SLC1A2: variants seen among roughly 807,000 people sequenced by gnomAD.
The protein encoded by SLC1A2 is excitatory amino acid transporter 2.
A neutral mutation model predicts 48.8 loss-of-function variants in SLC1A2; 15 were observed. The observed-to-expected ratio is 0.31, with a 90% CI of 0.21 to 0.47. The LOEUF is 0.47. Ranked by LOEUF, SLC1A2 falls within the 20% of genes least tolerant of loss-of-function variation. The pLI is 0.99. For missense variants in SLC1A2, 502 were observed against 730.5 expected, an observed-to-expected ratio of 0.69 and a Z score of 3.61; for synonymous variants, 279 against 272.6, an observed-to-expected ratio of 1.02 and a Z score of -0.23.
chr11:35,353,963 A>C (rs1453292552), intron 1 of SLC1A2, among the ~76,000 whole-genome samples: 2 of 152,188 alleles, frequency 1.3e-5, no homozygotes, highest in Admixed American at 6.5e-5. Context: ...AACAGACAGC[A>C]CTGTTAGAAT....
chr11:35,418,911 AC>A, intron 1 of SLC1A2, 38 bp downstream of exon 1: 1 of 1,544,966 alleles, frequency 6.5e-7, no homozygotes, highest in Non-Finnish European at 8.8e-7. Flanking sequence ...CCCGCGCGTG[AC>A]CCCGCTTTCC....
intron 1 of SLC1A2, among the ~76,000 whole-genome samples, chr11:35,411,125 T>C (rs190969587): frequency 3.6e-4 from 55 of 152,344 alleles, no homozygotes; most frequent in Non-Finnish European, 6.5e-4. Context: ...TATCTGCTGA[T>C]TGATGGGATT....
intron 1 of SLC1A2, chr11:35,413,848 A>T (rs1350286344): frequency 6.6e-6 from 1 of 152,260 alleles, no homozygotes; most frequent in African/African-American, 2.4e-5. Flanking sequence ...TACAAACAGC[A>T]AGTGACAGAT....
At chr11:35,307,289 C>G (rs929886457) in intron 4 of SLC1A2, 1 of 152,214 alleles carries the variant, frequency 6.6e-6, no homozygotes, top group African/African-American at 2.4e-5. Flanking sequence ...ATGGCAGGAG[C>G]ATTTGCTTAT....
upstream of SLC1A2, chr11:35,420,175 G>T (rs1404483416): frequency 5.3e-6 from 1 of 188,668 alleles, no homozygotes; most frequent in Non-Finnish European, 1.1e-5. Context: ...GGTCGGCCTC[G>T]TGGGTGCCGG....
intron 1 of SLC1A2, among the ~76,000 whole-genome samples, chr11:35,394,218 G>C (rs183227012): frequency 2.6e-4 from 40 of 152,070 alleles, no homozygotes; most frequent in Middle Eastern, 3.4e-3. Context: ...TTGCAGCAAA[G>C]GCCTGAGGTC....
Position 35,265,719 on chromosome 11 carries a change from A to T in SLC1A2, c.1461T>A (p.Ser487=), listed in dbSNP as rs375515105. The stretch of plus-strand genomic sequence containing the variant: ...GGTGATAGACTATCCCAGCCCCAAA[A>T]GAGTCACCCACAACATTGACTGAAG... ...MRTSVNVVGD[S]FGAGIVYHLS... Residue 487 remains serine, a synonymous_variant, in exon 10 of 11, where the codon TCT becomes TCA. Coordinates refer to ENST00000278379, the MANE Select transcript of SLC1A2 (RefSeq NM_004171.4). The T allele has an allele frequency of 1.2e-5, 20 of 1,613,850 alleles. No homozygotes were observed. The African/African-American group carries it at 2.4e-4, about 19-fold the overall frequency.
chr11:35,325,719 T>C (rs768150556), intron 1 of SLC1A2, among the ~76,000 whole-genome samples: 17 of 152,054 alleles, frequency 1.1e-4, no homozygotes, highest in Non-Finnish European at 2.4e-4. Flanking sequence ...TCCCAGCACT[T>C]TGGGAGGCTG....
intron 9 of SLC1A2, among the ~76,000 whole-genome samples, chr11:35,279,823 A>C (rs1850566415): frequency 6.6e-6 from 1 of 152,240 alleles, no homozygotes; most frequent in Non-Finnish European, 1.5e-5. Context: ...TGCTCAGTCT[A>C]GTAGCTGGAA....
chr11:35,389,484 T>C (rs1247203050), intron 1 of SLC1A2, among the ~76,000 whole-genome samples: 1 of 152,086 alleles, frequency 6.6e-6, no homozygotes, highest in Non-Finnish European at 1.5e-5. Flanking sequence ...ATTTTTCTTT[T>C]GGTGAGACAG....
chr11:35,343,378 G>C (rs1307879806), intron 1 of SLC1A2, among the ~76,000 whole-genome samples: 1 of 152,102 alleles, frequency 6.6e-6, no homozygotes, highest in Non-Finnish European at 1.5e-5. Flanking sequence ...AACCATATTT[G>C]GTGTAAAAAT....
intron 1 of SLC1A2, among the ~76,000 whole-genome samples, chr11:35,331,222 G>A (rs1320356123): frequency 6.6e-6 from 1 of 152,146 alleles, no homozygotes; most frequent in African/African-American, 2.4e-5. Context: ...GCAGACCAAA[G>A]TAACATCTTT....
intron 1 of SLC1A2, among the ~76,000 whole-genome samples, chr11:35,397,165 T>C (rs1854990246): frequency 6.7e-6 from 1 of 149,734 alleles, no homozygotes; most frequent in Non-Finnish European, 1.5e-5. Context: ...CTTCACAGAA[T>C]TGGAAAAAAC....
Position 35,357,664 on chromosome 11 carries a change from G to A in SLC1A2, c.18-40148C>T, listed in dbSNP as rs577737552. ...GTGAAGTATAACAGAGCCATTAAAA[G>A]ACAGAATTCCTTACCCATATTCTCA... On this transcript the variant is annotated intron_variant, in intron 1 of 10. Transcript: ENST00000278379. Among the ~76,000 whole-genome samples the A allele has an allele frequency of 9.1e-4, 139 of 152,236 alleles. 2 individuals are homozygous for A. Among genetic ancestry groups the A allele is most frequent in the Non-Finnish European group, 1.8e-3 (122 of 68,010 alleles).
At chr11:35,305,972 T>C (rs1851489886) in intron 5 of SLC1A2, 102 bp downstream of exon 5, 4 of 1,038,576 alleles carry the variant, frequency 3.9e-6, no homozygotes, top group Non-Finnish European at 5.6e-6. Context: ...AGCCTCCTGC[T>C]CCACCTAGAG....
Position 35,419,117 on chromosome 11 carries a change from T to G in SLC1A2, c.-151A>C, listed in dbSNP as rs2135316343. The G allele has an allele frequency of 1.7e-6, 1 of 578,752 alleles. No individual in the cohort carries two copies. Among genetic ancestry groups the G allele is most frequent in the Non-Finnish European group, 2.9e-6 (1 of 344,378 alleles). 35.9% of individuals were successfully genotyped at this position (578,752 alleles called of 1,614,324 possible). Reference sequence around the variant, plus strand: ...TCCACCCGCCTCCGGGGTAAGCCCTTTAGCGCCTCAACGGGCGCAGGAGGC... The same window carrying G: ...TCCACCCGCCTCCGGGGTAAGCCCTGTAGCGCCTCAACGGGCGCAGGAGGC... On this transcript the variant is annotated 5_prime_UTR_variant, in exon 1 of 11. Coordinates refer to ENST00000278379, the MANE Select transcript of SLC1A2 (RefSeq NM_004171.4). The surrounding 1 kb of genome is among the most constrained non-coding windows in gnomAD (Gnocchi z 5.4).
rs1287292222 is a variant in SLC1A2 at position 35,353,972 on chromosome 11, A to G, written c.18-36456T>C. Among the ~76,000 whole-genome samples the G allele has an allele frequency of 2.6e-5, 4 of 152,326 alleles. No individual in the cohort carries two copies. In the South Asian group the frequency reaches 6.2e-4, roughly 24 times the overall value. On this transcript the variant is annotated intron_variant, in intron 1 of 10. Transcript: ENST00000278379. ...GATTTCAACAGACAGCACTGTTAGA[A>G]TGGTACCACTGGTTAAAAATCCTAT...
chr11:35,282,882 C>T (rs1465081825), intron 8 of SLC1A2, among the ~76,000 whole-genome samples: 1 of 151,978 alleles, frequency 6.6e-6, no homozygotes, highest in Non-Finnish European at 1.5e-5. Context: ...GGCACTGTCT[C>T]TGTGTGTGGA....
intron 1 of SLC1A2, among the ~76,000 whole-genome samples, chr11:35,334,830 TTTTGTTTTGTTTTGTTTTGTTTTGTTTTG>T (rs1852565319): frequency 2.2e-4 from 11 of 49,886 alleles, no homozygotes; most frequent in Admixed American, 1.5e-3. Context: ...TTTTGTTTTG[TTTTGTTTTGTTTTGTTTTGTTTTGTTTTG>T]TTTTGTTTTG....
Sources: allele counts gnomAD v4.1 joint callset (sites outside exome capture counted in the v4.1 genomes callset), GRCh38; gene constraint gnomAD v4.1.1; non-coding constraint Gnocchi (gnomAD v3.1); transcripts MANE v1.5; gene names NCBI Gene and HGNC (gene_info 2026-07-23, HGNC 2026-07-21).